MAGI1: variants seen among roughly 807,000 people sequenced by gnomAD.
The protein encoded by MAGI1 is membrane-associated guanylate kinase, WW and PDZ domain-containing protein 1.
MAGI1 carries 58 observed loss-of-function variants against 139.9 expected under a neutral mutation model. The observed-to-expected ratio is 0.41, with a 90% CI of 0.34 to 0.52. The LOEUF is 0.52. MAGI1 is among the 20% of genes least tolerant of loss of function. MAGI1 has a pLI of 0.12. For missense variants in MAGI1, 1,874 were observed against 1,901.6 expected (o/e 0.99, Z 0.27); for synonymous variants, 812 against 737.9 (o/e 1.10, Z -1.63).
intron 1 of MAGI1, among the ~76,000 whole-genome samples, chr3:66,002,390 G>A (rs1371115476): frequency 6.6e-6 from 1 of 152,026 alleles, no homozygotes; most frequent in Non-Finnish European, 1.5e-5. Flanking sequence ...TATTTGTAAG[G>A]ATCTAGCTCT....
At chr3:65,482,352 G>A (rs1161067466) in intron 3 of MAGI1, among the ~76,000 whole-genome samples, 3 of 152,210 alleles carry the variant, frequency 2.0e-5, no homozygotes, top group Non-Finnish European at 4.4e-5. Flanking sequence ...GCTATCACAT[G>A]TTTTCAGTCT....
chr3:65,896,499 A>G (rs1356729751), intron 1 of MAGI1, among the ~76,000 whole-genome samples: 1 of 152,240 alleles, frequency 6.6e-6, no homozygotes, highest in Non-Finnish European at 1.5e-5. Context: ...AGGACATTCA[A>G]CAAAGAGTTG....
intron 2 of MAGI1, among the ~76,000 whole-genome samples, chr3:65,533,689 G>C (rs558794942): frequency 6.6e-6 from 1 of 152,216 alleles, no homozygotes; most frequent in African/African-American, 2.4e-5. Context: ...TATATACAGA[G>C]TTCTTTTAAC....
chr3:66,033,544 CCT>C (rs1559513871), intron 1 of MAGI1, among the ~76,000 whole-genome samples: 1 of 152,044 alleles, frequency 6.6e-6, no homozygotes, highest in Non-Finnish European at 1.5e-5. Context: ...AAGACAAGGC[CCT>C]GTGTTTTAAA....
chr3:65,395,879 A>G, intron 13 of MAGI1, among the ~76,000 whole-genome samples: 1 of 151,880 alleles, frequency 6.6e-6, no homozygotes, highest in East Asian at 1.9e-4. Context: ...TGGTGTCGCT[A>G]CTGGGTGGTG....
At chr3:65,655,556 A>C (rs1205313735) in intron 1 of MAGI1, among the ~76,000 whole-genome samples, 1 of 152,210 alleles carries the variant, frequency 6.6e-6, no homozygotes, top group African/African-American at 2.4e-5. Context: ...CATGCAGAGG[A>C]GAATTTTTGA....
intron 21 of MAGI1, among the ~76,000 whole-genome samples, chr3:65,363,022 G>T (rs1355240753): frequency 6.6e-6 from 1 of 152,072 alleles, no homozygotes; most frequent in Non-Finnish European, 1.5e-5. Context: ...CTGAGCCTAA[G>T]GTAAGACCAC....
At chr3:65,851,405 T>A (rs909194984) in intron 1 of MAGI1, among the ~76,000 whole-genome samples, 5 of 152,122 alleles carry the variant, frequency 3.3e-5, no homozygotes, top group Non-Finnish European at 7.3e-5. Flanking sequence ...TTATTTGGAT[T>A]TTGATGGGCA....
chr3:65,719,125 T>C (rs2032668972), intron 1 of MAGI1, among the ~76,000 whole-genome samples: 1 of 151,514 alleles, frequency 6.6e-6, no homozygotes. Context: ...ACATTGTGTA[T>C]TAATAACAAA....
At position 65,603,001 on chromosome 3, in the gene MAGI1, C is replaced by T. The variant is rs77140140; in HGVS notation, c.430+18971G>A. The stretch of plus-strand genomic sequence containing the variant: ...AATTTAAAATCTAGACAGAATGGTT[C>T]ATTTTCTAGAATAATAAATTAATGA... On this transcript the variant is annotated intron_variant, in intron 2 of 22. Transcript: ENST00000402939. Among the ~76,000 whole-genome samples the T allele has an allele frequency of 1.3e-3, 191 of 152,126 alleles. 5 individuals carry two copies. The East Asian group carries it at 0.029, about 23-fold the overall frequency.
intron 1 of MAGI1, among the ~76,000 whole-genome samples, chr3:65,785,110 A>C (rs542871417): frequency 6.6e-6 from 1 of 152,370 alleles, no homozygotes; most frequent in African/African-American, 2.4e-5. Flanking sequence ...ATTGTATGAC[A>C]TATTAGTTAT....
At chr3:65,881,166 A>G (rs982201587) in intron 1 of MAGI1, among the ~76,000 whole-genome samples, 1 of 152,232 alleles carries the variant, frequency 6.6e-6, no homozygotes, top group African/African-American at 2.4e-5. Flanking sequence ...GATTACAGAA[A>G]TGAGCCACTC....
At position 65,979,097 on chromosome 3, in the gene MAGI1, C is replaced by G. The variant is rs1207269156; in HGVS notation, c.313+58899G>C. 6.4e-5 allele frequency among the ~76,000 whole-genome samples: 4 copies of G among 62,590 alleles called. No homozygotes were observed. The South Asian group carries it at 2.5e-3, about 40-fold the overall frequency. 41.1% of individuals were successfully genotyped at this position (62,590 alleles called of 152,430 possible). On this transcript the variant is annotated intron_variant, in intron 1 of 22. Coordinates refer to ENST00000402939, the MANE Select transcript of MAGI1 (RefSeq NM_001033057.2). ...AGTTTTTTTCTTTTCTTCCCCCCCC[C>G]CGCCACCCCCCACAGCTACTCACAG...
At chr3:65,712,330 G>A (rs950717874) in intron 1 of MAGI1, among the ~76,000 whole-genome samples, 30 of 151,828 alleles carry the variant, frequency 2.0e-4, no homozygotes, top group African/African-American at 7.0e-4. Context: ...GGTTCTGGCT[G>A]ATGGTCCTCA....
intron 2 of MAGI1, among the ~76,000 whole-genome samples, chr3:65,514,951 A>C (rs868347029): frequency 0.013 from 1,951 of 150,400 alleles, 46 homozygotes; most frequent in African/African-American, 0.045. Flanking sequence ...AAATGTGGCA[A>C]ATATACACCA....
chr3:65,601,807 T>C (rs2082496995), intron 2 of MAGI1, among the ~76,000 whole-genome samples: 1 of 144,986 alleles, frequency 6.9e-6, no homozygotes, highest in Admixed American at 6.8e-5. Context: ...ATCACCAAGT[T>C]AGTGAAAAGA....
intron 2 of MAGI1, among the ~76,000 whole-genome samples, chr3:65,577,126 T>G (rs1383987385): frequency 1.3e-5 from 2 of 152,214 alleles, no homozygotes; most frequent in Non-Finnish European, 2.9e-5. Context: ...TTTTTGTCCC[T>G]TGGAGTTACA....
chr3:65,799,659 G>C (rs1010775338), intron 1 of MAGI1, among the ~76,000 whole-genome samples: 2 of 152,124 alleles, frequency 1.3e-5, no homozygotes, highest in Non-Finnish European at 2.9e-5. Context: ...GGGGGTCTTG[G>C]AAGATATCTC....
At chr3:65,451,193 A>G (rs542720070) in intron 6 of MAGI1, among the ~76,000 whole-genome samples, 1 of 152,196 alleles carries the variant, frequency 6.6e-6, no homozygotes, top group African/African-American at 2.4e-5. Context: ...CAATACTTTC[A>G]CTCTATGTAC....
Sources: gnomAD v4.1 joint callset for allele counts (sites outside exome capture counted in the v4.1 genomes callset) on GRCh38, gnomAD v4.1.1 for gene constraint, MANE v1.5 for transcripts, NCBI Gene and HGNC (gene_info 2026-07-23, HGNC 2026-07-21) for gene names.